DGKI: variants seen among roughly 807,000 people sequenced by gnomAD.
DGKI encodes diacylglycerol kinase iota.
A neutral mutation model predicts 147.5 loss-of-function variants in DGKI; 55 were observed. That is an observed-to-expected ratio of 0.37 (90% CI 0.30 to 0.47). The LOEUF (loss-of-function observed/expected upper bound fraction) is 0.47, where lower values mean the gene tolerates loss of function less well. Ranked by LOEUF, DGKI falls within the 20% of genes least tolerant of loss-of-function variation. The probability of loss-of-function intolerance (pLI) is 1.00; values close to 1 mark genes in which losing one functional copy is unlikely to be tolerated. For missense variants in DGKI, 1,007 were observed against 1,323.8 expected, an observed-to-expected ratio of 0.76 and a Z score of 3.71; for synonymous variants, 469 against 477.1, an observed-to-expected ratio of 0.98 and a Z score of 0.22.
At chr7:137,621,830 T>C (rs1227095656) in intron 7 of DGKI, among the ~76,000 whole-genome samples, 1 of 152,222 alleles carries the variant, frequency 6.6e-6, no homozygotes, top group Non-Finnish European at 1.5e-5. Context: ...CACAGCCTGG[T>C]AGCTGCACAG....
intron 32 of DGKI, among the ~76,000 whole-genome samples, chr7:137,394,396 T>C (rs759854808): frequency 1.3e-5 from 2 of 152,184 alleles, no homozygotes; most frequent in Admixed American, 6.5e-5. Context: ...AGCCAAAAGA[T>C]TGGACACCCC....
chr7:137,587,241 T>C (rs553770031), intron 12 of DGKI, 31 bp from the exon 13 acceptor site: 1 of 1,521,674 alleles, frequency 6.6e-7, no homozygotes, highest in Non-Finnish European at 8.9e-7. Flanking sequence ...AGAAGAGATA[T>C]AAGAAAGATA....
intron 23 of DGKI, among the ~76,000 whole-genome samples, chr7:137,470,768 G>A (rs180700011): frequency 2.0e-5 from 3 of 152,032 alleles, no homozygotes; most frequent in Admixed American, 2.0e-4. Context: ...CCAAACTCCT[G>A]AAGCTTATGT....
rs1046386360 is a variant in DGKI, at chr7:137,730,448, C to T, written c.402-40446G>A. Among the ~76,000 whole-genome samples, 4 of 152,174 alleles carry T rather than the reference C, an allele frequency of 2.6e-5. No individual in the cohort carries two copies. The East Asian group carries it at 7.7e-4, about 29-fold the overall frequency. On this transcript the variant is annotated intron_variant, in intron 1 of 32. Coordinates refer to ENST00000614521, the MANE Select transcript of DGKI (RefSeq NM_001321708.2). The stretch of plus-strand genomic sequence containing the variant: ...CAAAGTCCTCTCTTGTTCCTCTCTA[C>T]ACTACCTTGGTTCAGTTCCTTACTG...
chr7:137,764,455 C>A (rs1183812527), intron 1 of DGKI, among the ~76,000 whole-genome samples: 1 of 152,152 alleles, frequency 6.6e-6, no homozygotes, highest in African/African-American at 2.4e-5. Flanking sequence ...ACATAGCATC[C>A]CTTGTAGCAG....
intron 28 of DGKI, among the ~76,000 whole-genome samples, chr7:137,419,426 A>AGAG: frequency 6.6e-6 from 1 of 152,298 alleles, no homozygotes; most frequent in Middle Eastern, 3.4e-3. Context: ...TGAGATACAT[A>AGAG]TTTCTGCATA....
intron 1 of DGKI, among the ~76,000 whole-genome samples, chr7:137,801,379 T>G (rs1267120322): frequency 1.3e-5 from 2 of 151,850 alleles, no homozygotes; most frequent in East Asian, 3.9e-4. Flanking sequence ...GGGAAATGGA[T>G]TTCATAAAAC....
intron 27 of DGKI, among the ~76,000 whole-genome samples, chr7:137,445,905 A>G (rs1268665492): frequency 6.6e-6 from 1 of 152,178 alleles, no homozygotes; most frequent in Non-Finnish European, 1.5e-5. Flanking sequence ...GGAGTATTGA[A>G]TGAGAGGTGA....
intron 3 of DGKI, among the ~76,000 whole-genome samples, chr7:137,658,767 C>G (rs145214105): frequency 6.6e-6 from 1 of 152,328 alleles, no homozygotes; most frequent in African/African-American, 2.4e-5. Flanking sequence ...TGAGTCAAAA[C>G]ATCTTTTGCA....
chr7:137,415,629 G>C (rs1017132077), intron 28 of DGKI, among the ~76,000 whole-genome samples: 1 of 152,186 alleles, frequency 6.6e-6, no homozygotes, highest in African/African-American at 2.4e-5. Flanking sequence ...GGTTAGGAAA[G>C]TTGCATGAGG....
At chr7:137,606,156 A>G (rs533587635) in intron 10 of DGKI, among the ~76,000 whole-genome samples, 160 of 152,328 alleles carry the variant, frequency 1.1e-3, no homozygotes, top group African/African-American at 3.7e-3. Flanking sequence ...GAGACATAGA[A>G]GCAGTCCTTA....
chr7:137,716,192 A>ATGT (rs1248991538), intron 1 of DGKI, among the ~76,000 whole-genome samples: 1 of 152,220 alleles, frequency 6.6e-6, no homozygotes, highest in Non-Finnish European at 1.5e-5. Context: ...AGGAAATTCA[A>ATGT]TGTTATAGTT....
At chr7:137,797,175 G>A (rs1174818304) in intron 1 of DGKI, among the ~76,000 whole-genome samples, 7 of 152,190 alleles carry the variant, frequency 4.6e-5, no homozygotes, top group Non-Finnish European at 1.0e-4. Flanking sequence ...GAAAGGGACT[G>A]TCAGCAAGAA....
At chr7:137,648,446 T>C (rs1215380478) in intron 5 of DGKI, among the ~76,000 whole-genome samples, 1 of 152,244 alleles carries the variant, frequency 6.6e-6, no homozygotes, top group Non-Finnish European at 1.5e-5. Flanking sequence ...AACACACAGT[T>C]ATCCCTTCTT....
chr7:137,756,199 T>A (rs1030891350), intron 1 of DGKI, among the ~76,000 whole-genome samples: 1 of 152,160 alleles, frequency 6.6e-6, no homozygotes, highest in Non-Finnish European at 1.5e-5. Flanking sequence ...TTCCAAGCAG[T>A]GGATCTCATC....
chr7:137,768,626 C>A (rs569634822), intron 1 of DGKI, among the ~76,000 whole-genome samples: 146 of 152,312 alleles, frequency 9.6e-4, no homozygotes, highest in African/African-American at 3.5e-3. Context: ...CATGCACGTA[C>A]AGGCCCCGGG....
At chr7:137,611,557 G>C (rs1820365507) in intron 8 of DGKI, among the ~76,000 whole-genome samples, 1 of 152,164 alleles carries the variant, frequency 6.6e-6, no homozygotes, top group African/African-American at 2.4e-5. Context: ...TGTGAGATCA[G>C]TGACCTTGGC....
At chr7:137,646,898 T>C (rs982217132) in intron 5 of DGKI, among the ~76,000 whole-genome samples, 1 of 152,126 alleles carries the variant, frequency 6.6e-6, no homozygotes, top group African/African-American at 2.4e-5. Flanking sequence ...TTATCAATAC[T>C]GAAATGCCAC....
intron 20 of DGKI, among the ~76,000 whole-genome samples, chr7:137,545,512 T>A (rs1817835005): frequency 6.6e-6 from 1 of 152,098 alleles, no homozygotes; most frequent in Admixed American, 6.5e-5. Flanking sequence ...ACTCCACGCA[T>A]AATCTTAAGG....
Sources: gnomAD v4.1 joint callset for allele counts (sites outside exome capture counted in the v4.1 genomes callset) on GRCh38, gnomAD v4.1.1 for gene constraint, MANE v1.5 for transcripts, NCBI Gene and HGNC (gene_info 2026-07-23, HGNC 2026-07-21) for gene names.